Variants in ICOS observed in about 807,000 individuals in gnomAD.
ICOS encodes inducible T cell costimulator, also known as inducible T-cell costimulator.
ICOS carries 15 observed loss-of-function variants against 24.6 expected under a neutral mutation model. That is an observed-to-expected ratio of 0.61 (90% CI 0.41 to 0.94). The LOEUF (loss-of-function observed/expected upper bound fraction) is 0.94. ICOS is among the 40% of genes least tolerant of loss of function. The probability of loss-of-function intolerance (pLI) is 0.00; values close to 1 mark genes in which losing one functional copy is unlikely to be tolerated. For synonymous variants in ICOS, 89 were observed against 77.5 expected (o/e 1.15, Z -0.78); for missense variants, 200 against 233.0 (o/e 0.86, Z 0.92).
In ICOS at chr2:203,956,520, C is replaced by G; in HGVS notation, c.395-139C>G. 3 of 697,480 alleles carry G rather than the reference C, an allele frequency of 4.3e-6. No individual in the cohort carries two copies. In the South Asian group the frequency reaches 4.7e-5, roughly 11 times the overall value. The allele number at this position is 697,480 out of a possible 1,614,324, so 43.2% of individuals were successfully genotyped here. ...GCCATAATACTGAGATGATGTTAGT[C>G]TAATAACTTGCCCACTTACTGGATT... On this transcript the variant is annotated intron_variant, in intron 2 of 4. Transcript: ENST00000316386.
In ICOS at chr2:203,957,521, A is replaced by G. The variant is rs559427085; in HGVS notation, c.502-278A>G. 2.9e-4 allele frequency among the ~76,000 whole-genome samples: 44 copies of G among 152,358 alleles called. 1 individual carries two copies. The highest frequency in any genetic ancestry group is 2.8e-3 in the Admixed American group (43 of 15,304). On this transcript the variant is annotated intron_variant, in intron 3 of 4. Coordinates refer to ENST00000316386, the MANE Select transcript of ICOS (RefSeq NM_012092.4). ...ATCTGTGGGAGAGTGGAATTTGGAA[A>G]GAGACATAAAGAAGGAAGAGAATGA...
At chr2:203,945,327 G>A (rs1455361990) in intron 1 of ICOS, among the ~76,000 whole-genome samples, 1 of 152,138 alleles carries the variant, frequency 6.6e-6, no homozygotes, top group African/African-American at 2.4e-5. Context: ...ACTGGACTTG[G>A]TGACCAATTG....
rs1247442066 is a variant in ICOS, at chr2:203,941,090, C to T, written c.58+4218C>T. ...GGATTACAGGCGTGAGCCACCGCGC[C>T]CCGCTGTTCTATTAATTTATTATTA... On this transcript the variant is annotated intron_variant, in intron 1 of 4. Transcript: ENST00000316386. 1.2e-4 allele frequency among the ~76,000 whole-genome samples: 18 copies of T among 152,222 alleles called. No homozygotes were observed. In the East Asian group the frequency reaches 2.1e-3, roughly 18 times the overall value.
intron 3 of ICOS, 73 bp from the exon 4 acceptor site, chr2:203,957,726 A>G (rs1690101405): frequency 8.7e-7 from 1 of 1,143,910 alleles, no homozygotes; most frequent in East Asian, 2.4e-5. Flanking sequence ...TCAACAAAGA[A>G]TAGAAAACAG....
chr2:203,951,923 A>G (rs1689982176), intron 1 of ICOS, among the ~76,000 whole-genome samples: 1 of 152,200 alleles, frequency 6.6e-6, no homozygotes, highest in Non-Finnish European at 1.5e-5. Context: ...ACCTGTTCTC[A>G]TGCCAACAGT....
At chr2:203,941,851 A>AT (rs950591400) in intron 1 of ICOS, among the ~76,000 whole-genome samples, 20 of 151,080 alleles carry the variant, frequency 1.3e-4, no homozygotes, top group African/African-American at 3.4e-4. Context: ...TCAAGAAATG[A>AT]TTTTTTTTTT....
In ICOS at chr2:203,936,812, A is replaced by G. The variant is rs768950776; in HGVS notation, c.-3A>G. ...CGAGGACTGTTAACTGTTTCTGGCA[A>G]ACATGAAGTCAGGCCTCTGGTATTT... On this transcript the variant is annotated 5_prime_UTR_variant, in exon 1 of 5. Transcript: ENST00000316386. The G allele has an allele frequency of 6.2e-7, 1 of 1,612,922 alleles. No individual in the cohort carries two copies. The highest frequency in any genetic ancestry group is 8.5e-7 in the Non-Finnish European group (1 of 1,178,986).
intron 1 of ICOS, among the ~76,000 whole-genome samples, chr2:203,938,007 A>G (rs4675375): frequency 0.96 from 145,683 of 152,294 alleles, 69,904 homozygotes; most frequent in East Asian, 1. Context: ...CTCATGTAGC[A>G]TTGAGCACCT....
chr2:203,939,705 T>C (rs1000103908), intron 1 of ICOS, among the ~76,000 whole-genome samples: 3 of 152,134 alleles, frequency 2.0e-5, no homozygotes, highest in Admixed American at 6.5e-5. Context: ...ACTCCTGAAT[T>C]CCACTTGGGA....
chr2:203,959,593 C>T lies in ICOS; in HGVS notation c.594C>T (p.Thr198=), dbSNP rs2105756985. 3 of 1,612,870 alleles carry T rather than the reference C, an allele frequency of 1.9e-6. No individual in the cohort carries two copies. Among genetic ancestry groups the T allele is most frequent in the Non-Finnish European group, 1.7e-6 (2 of 1,179,182 alleles). The change falls in exon 5 of 5, where the codon ACC becomes ACT. Residue 198 remains threonine, a synonymous_variant. Transcript: ENST00000316386. The part of the protein sequence containing the change: ...TAKKSRLTDV[T]L ...GCTGAATTTTTGTTACAGATGTGAC[C>T]CTATAATATGGAACTCTGGCACCCA...
At chr2:203,952,149 ACCCCT>A (rs1049697101) in intron 1 of ICOS, among the ~76,000 whole-genome samples, 1 of 151,458 alleles carries the variant, frequency 6.6e-6, no homozygotes, top group African/African-American at 2.4e-5. Flanking sequence ...GACTGTCAGC[ACCCCT>A]ATTTCCTTCT....
In ICOS at chr2:203,959,477, T is replaced by C. The variant is rs78281070; in HGVS notation, c.587-109T>C. On this transcript the variant is annotated intron_variant, in intron 4 of 4. Transcript: ENST00000316386. The stretch of plus-strand genomic sequence containing the variant: ...GTGAGTGTGTGTGTGTGTGTGTGTG[T>C]GCACGTGTGTGTTTGTGTGTATGAA... 0.15 allele frequency: 123,076 copies of C among 819,300 alleles called. 10,429 individuals carry two copies. The highest frequency in any genetic ancestry group is 0.27 in the South Asian group (20,000 of 73,648). 50.8% of individuals were successfully genotyped at this position (819,300 alleles called of 1,614,324 possible).
chr2:203,956,556 A>G (rs1340117112), intron 2 of ICOS, 103 bp from the exon 3 acceptor site: 1 of 825,728 alleles, frequency 1.2e-6, no homozygotes, highest in African/African-American at 1.7e-5. Context: ...TCATGACTAT[A>G]ATAAAGAAAA....
At chr2:203,959,442 T>A in intron 4 of ICOS, 144 bp from the exon 5 acceptor site, 2 of 731,710 alleles carry the variant, frequency 2.7e-6, no homozygotes, top group South Asian at 2.9e-5. Flanking sequence ...TGAGTTTGCA[T>A]GGTGTGTGTG....
chr2:203,936,785 C>T lies in ICOS; in HGVS notation c.-30C>T, dbSNP rs959177820. ...TTCACTGTCAGCTTTGAACACTGAA[C>T]GCGAGGACTGTTAACTGTTTCTGGC... On this transcript the variant is annotated 5_prime_UTR_variant, in exon 1 of 5. The change creates a new upstream start codon in the 5' untranslated region. Coordinates refer to ENST00000316386, the MANE Select transcript of ICOS (RefSeq NM_012092.4). 12 of 1,587,344 alleles carry T rather than the reference C, an allele frequency of 7.6e-6. No homozygotes were observed. Among genetic ancestry groups the T allele is most frequent in the Admixed American group, 1.7e-5 (1 of 59,962 alleles).
chr2:203,947,582 C>G (rs959472857), intron 1 of ICOS, among the ~76,000 whole-genome samples: 2 of 152,166 alleles, frequency 1.3e-5, no homozygotes, highest in Non-Finnish European at 2.9e-5. Flanking sequence ...GCTGGGATTA[C>G]AGGGCGAGTC....
intron 3 of ICOS, 62 bp downstream of exon 3, chr2:203,956,827 C>T: frequency 9.0e-7 from 1 of 1,112,650 alleles, no homozygotes; most frequent in Non-Finnish European, 1.4e-6. Flanking sequence ...ATTATTTCCT[C>T]ATCAAAAGTA....
intron 1 of ICOS, among the ~76,000 whole-genome samples, chr2:203,939,103 C>T (rs1689718230): frequency 6.6e-6 from 1 of 152,150 alleles, no homozygotes; most frequent in Admixed American, 6.5e-5. Context: ...TACCTTTAGT[C>T]AGTGTTTGAA....
At chr2:203,946,034 T>C (rs1689861719) in intron 1 of ICOS, among the ~76,000 whole-genome samples, 1 of 152,162 alleles carries the variant, frequency 6.6e-6, no homozygotes. Context: ...TTCAGAGGTG[T>C]GGATAAAATC....
Sources: gnomAD v4.1 joint callset for allele counts (sites outside exome capture counted in the v4.1 genomes callset) on GRCh38, gnomAD v4.1.1 for gene constraint, MANE v1.5 for transcripts, NCBI Gene and HGNC (gene_info 2026-07-23, HGNC 2026-07-21) for gene names.